The following MTHFD1L variants were observed in gnomAD, a reference collection of about 807,000 sequenced individuals.
MTHFD1L encodes methylenetetrahydrofolate dehydrogenase (NADP+ dependent) 1 like.
In MTHFD1L, 81 loss-of-function variants were observed where a neutral mutation model predicts 119.5. That is an observed-to-expected ratio of 0.68 (90% CI 0.57 to 0.82). MTHFD1L has a LOEUF of 0.82. MTHFD1L is among the 40% of genes least tolerant of loss of function. The pLI, the probability that MTHFD1L is intolerant of heterozygous loss-of-function variation, is 0.00. For missense variants in MTHFD1L, 1,125 were observed against 1,253.4 expected (o/e 0.90, Z 1.55); for synonymous variants, 430 against 475.2 (o/e 0.90, Z 1.24).
At chr6:150,955,166 C>G (rs913443503) in intron 16 of MTHFD1L, among the ~76,000 whole-genome samples, 1 of 152,160 alleles carries the variant, frequency 6.6e-6, no homozygotes, top group Admixed American at 6.5e-5. Context: ...AACTCCTTAT[C>G]CATTAAATAA....
At chr6:150,961,089 C>CTTT (rs35978918) in intron 18 of MTHFD1L, among the ~76,000 whole-genome samples, 26 of 113,406 alleles carry the variant, frequency 2.3e-4, no homozygotes, top group South Asian at 3.1e-4. Context: ...TTCCTGTTAA[C>CTTT]TTTTTTTTTT....
In MTHFD1L at chr6:151,015,387, T is replaced by C. The variant is rs565422742; in HGVS notation, c.2409-129T>C. ...TTAAGTCTGATTTATTTAAACACGA[T>C]GTGACCACTTTTGATGTTTAAAATG... On this transcript the variant is annotated intron_variant, in intron 23 of 27. Transcript: ENST00000367321. 337 of 1,044,054 alleles carry C rather than the reference T, an allele frequency of 3.2e-4. 1 individual carries two copies. Among genetic ancestry groups the C allele is most frequent in the African/African-American group, 8.0e-5 (5 of 62,508 alleles). The allele number at this position is 1,044,054 out of a possible 1,614,324, so 64.7% of individuals were successfully genotyped here.
chr6:150,971,869 C>T (rs893542218), intron 19 of MTHFD1L, 78 bp from the exon 20 acceptor site: 2 of 1,210,152 alleles, frequency 1.7e-6, no homozygotes, highest in African/African-American at 3.0e-5. Context: ...TTTCCTACCC[C>T]ATTTGCCCCA....
At chr6:151,075,803 A>G (rs1659224486) in intron 26 of MTHFD1L, among the ~76,000 whole-genome samples, 1 of 152,258 alleles carries the variant, frequency 6.6e-6, no homozygotes, top group African/African-American at 2.4e-5. Flanking sequence ...CAACACTGAA[A>G]GACATCTGGA....
chr6:150,896,090 T>C (rs1055039252), intron 7 of MTHFD1L, among the ~76,000 whole-genome samples: 2 of 152,138 alleles, frequency 1.3e-5, no homozygotes, highest in African/African-American at 2.4e-5. Flanking sequence ...GATTAAAAAA[T>C]GGTAGAGGTG....
chr6:150,895,226 G>A (rs1344160295), intron 7 of MTHFD1L, among the ~76,000 whole-genome samples: 4 of 152,190 alleles, frequency 2.6e-5, no homozygotes, highest in Admixed American at 2.0e-4. Context: ...TCCTGACCCC[G>A]ATGATTTCAC....
intron 7 of MTHFD1L, among the ~76,000 whole-genome samples, chr6:150,890,285 A>C (rs1044510219): frequency 7.0e-5 from 7 of 100,652 alleles, no homozygotes; most frequent in Non-Finnish European, 1.4e-4. Context: ...TAGTGCAAAA[A>C]GTTTTGTTTG....
rs771532672 is a variant in MTHFD1L, at chr6:150,876,145, G to A, written c.283G>A (p.Ala95Thr). Residue 95 changes from alanine to threonine, a missense_variant, in exon 2 of 28, where the codon GCC (alanine) becomes ACC (threonine). Ala to Thr is a moderately conservative substitution (Grantham distance 58). Around this residue, in one of 3 missense-constraint regions of MTHFD1L, gnomAD observed 1,058 missense variants for 1,151.2 expected, o/e 0.92. Coordinates refer to ENST00000367321, the MANE Select transcript of MTHFD1L (RefSeq NM_015440.5). Reference protein sequence around the residue: ...VLSLLQEKNPAFKPVLAIIQA... With the variant: ...VLSLLQEKNPTFKPVLAIIQA... The stretch of plus-strand genomic sequence containing the variant: ...AAGTTTATTGCAAGAAAAAAACCCT[G>A]CCTTCAAGCCGGTTCTTGCAATTAT... 3 of 1,601,492 alleles carry A rather than the reference G, an allele frequency of 1.9e-6. No homozygotes were observed. The highest frequency in any genetic ancestry group is 2.2e-5 in the East Asian group (1 of 44,496).
At chr6:151,046,950 A>G (rs2055355447) in intron 26 of MTHFD1L, among the ~76,000 whole-genome samples, 1 of 152,226 alleles carries the variant, frequency 6.6e-6, no homozygotes, top group Admixed American at 6.5e-5. Flanking sequence ...GAGTAAAAAG[A>G]AACCCCAAAA....
At chr6:150,925,456 G>C (rs1307551187) in intron 10 of MTHFD1L, among the ~76,000 whole-genome samples, 2 of 152,110 alleles carry the variant, frequency 1.3e-5, no homozygotes, top group Non-Finnish European at 2.9e-5. Context: ...AAATAGAAGA[G>C]TTCAGTTACG....
intron 26 of MTHFD1L, among the ~76,000 whole-genome samples, chr6:151,062,254 A>G (rs4452649): frequency 0.032 from 4,921 of 152,122 alleles, 155 homozygotes; most frequent in Admixed American, 0.1. Context: ...AGCTAATACG[A>G]TGAAACCCCG....
At chr6:150,986,031 A>G (rs1414681443) in intron 20 of MTHFD1L, among the ~76,000 whole-genome samples, 1 of 152,196 alleles carries the variant, frequency 6.6e-6, no homozygotes, top group African/African-American at 2.4e-5. Flanking sequence ...AATTTGAGGG[A>G]TTTGACTCCT....
At chr6:151,086,019 G>A (rs550038156) in intron 26 of MTHFD1L, among the ~76,000 whole-genome samples, 45 of 152,162 alleles carry the variant, frequency 3.0e-4, no homozygotes, top group African/African-American at 9.9e-4. Context: ...TCACCGTTTC[G>A]GTCCTTTGGT....
intron 5 of MTHFD1L, among the ~76,000 whole-genome samples, chr6:150,883,922 C>T (rs1271723983): frequency 6.6e-6 from 1 of 152,074 alleles, no homozygotes; most frequent in Non-Finnish European, 1.5e-5. Context: ...GGGAGGCTAC[C>T]ACCTTCCTGA....
chr6:151,004,105 G>A (rs1177252567), intron 20 of MTHFD1L, among the ~76,000 whole-genome samples: 1 of 151,846 alleles, frequency 6.6e-6, no homozygotes, highest in African/African-American at 2.4e-5. Flanking sequence ...CACTTTGGGA[G>A]GCTGAGACGG....
chr6:150,924,057 G>T (rs1263213937), intron 10 of MTHFD1L, among the ~76,000 whole-genome samples: 2 of 152,088 alleles, frequency 1.3e-5, no homozygotes, highest in Admixed American at 1.3e-4. Flanking sequence ...AATTCTTCTT[G>T]TTAAATAATT....
intron 26 of MTHFD1L, among the ~76,000 whole-genome samples, chr6:151,046,695 C>CT (rs1348040883): frequency 6.6e-6 from 1 of 151,942 alleles, no homozygotes; most frequent in East Asian, 1.9e-4. Context: ...CTTAGTTACA[C>CT]TTTTCTCTTA....
chr6:151,092,891 G>A (rs912161476), intron 27 of MTHFD1L, among the ~76,000 whole-genome samples: 17 of 152,134 alleles, frequency 1.1e-4, no homozygotes, highest in Admixed American at 9.2e-4. Context: ...ACAGAACTCT[G>A]TAAACTCATT....
At chr6:150,950,035 C>T (rs910397623) in intron 16 of MTHFD1L, among the ~76,000 whole-genome samples, 1 of 151,470 alleles carries the variant, frequency 6.6e-6, no homozygotes, top group African/African-American at 2.4e-5. Context: ...ACATTTGGAA[C>T]ATATTTATCA....
Sources: gnomAD v4.1 joint callset for allele counts (sites outside exome capture counted in the v4.1 genomes callset) on GRCh38, gnomAD v4.1.1 for gene constraint, gnomAD v4.1.1 regional missense constraint, MANE v1.5 for transcripts, NCBI Gene and HGNC (gene_info 2026-07-23, HGNC 2026-07-21) for gene names.